The following ROBO2 variants were observed in gnomAD, a reference collection of about 807,000 sequenced individuals.
The protein encoded by ROBO2 is roundabout guidance receptor 2.
Under a neutral mutation model 160.8 loss-of-function variants are expected in ROBO2, and 53 were observed. That is an observed-to-expected ratio of 0.33 (90% CI 0.26 to 0.41). The LOEUF (loss-of-function observed/expected upper bound fraction) is 0.41, where lower values mean the gene tolerates loss of function less well. Ranked by LOEUF, ROBO2 falls within the 10% of genes least tolerant of loss-of-function variation. The probability of loss-of-function intolerance (pLI) is 1.00; values close to 1 mark genes in which losing one functional copy is unlikely to be tolerated. For missense variants in ROBO2, 1,577 were observed against 1,722.4 expected (o/e 0.92, Z 1.49); for synonymous variants, 664 against 611.7 (o/e 1.09, Z -1.26).
At chr3:76,637,808 G>A (rs1291432262) in intron 2 of ROBO2, among the ~76,000 whole-genome samples, 1 of 152,130 alleles carries the variant, frequency 6.6e-6, no homozygotes, top group African/African-American at 2.4e-5. Context: ...CTAAGCTTTT[G>A]TCCTCATAAA....
At chr3:77,316,782 C>A in intron 2 of ROBO2, 1 of 1,259,892 alleles carries the variant, frequency 7.9e-7, no homozygotes, top group South Asian at 1.2e-5. Context: ...CTAGACCAAG[C>A]TTGTGGCCAC....
In ROBO2 at chr3:76,241,886, A is replaced by G. The variant is rs141137040; in HGVS notation, c.109+304284A>G. On this transcript the variant is annotated intron_variant, in intron 2 of 26. Transcript: ENST00000487694. The stretch of plus-strand genomic sequence containing the variant: ...CCAATGGATTAGGACAATTTTCATG[A>G]TGGAATTGTGAATAATTAAATATTC... 3.8e-3 allele frequency among the ~76,000 whole-genome samples: 578 copies of G among 152,302 alleles called. 3 individuals are homozygous for G. The highest frequency in any genetic ancestry group is 0.013 in the African/African-American group (554 of 41,562).
At chr3:77,268,146 A>G (rs893831294) in intron 2 of ROBO2, among the ~76,000 whole-genome samples, 12 of 152,228 alleles carry the variant, frequency 7.9e-5, no homozygotes, top group Admixed American at 1.3e-4. Flanking sequence ...CTGTTATAAC[A>G]TAATTCTTAA....
intron 2 of ROBO2, among the ~76,000 whole-genome samples, chr3:77,278,025 T>C (rs2060005261): frequency 2.0e-5 from 3 of 152,160 alleles, no homozygotes; most frequent in Admixed American, 1.3e-4. Flanking sequence ...TAGTATCTCA[T>C]TGTGGTTTTG....
chr3:77,539,456 A>G (rs540395325), intron 6 of ROBO2, among the ~76,000 whole-genome samples: 1 of 152,064 alleles, frequency 6.6e-6, no homozygotes, highest in Non-Finnish European at 1.5e-5. Context: ...TCACATATAT[A>G]TTGTTTTCAA....
intron 2 of ROBO2, among the ~76,000 whole-genome samples, chr3:77,004,014 C>T (rs963928560): frequency 1.1e-4 from 16 of 152,046 alleles, no homozygotes; most frequent in African/African-American, 3.9e-4. Flanking sequence ...TGTTTTTATA[C>T]AGAAATGTAT....
chr3:77,211,912 C>G (rs1338271297), intron 2 of ROBO2, among the ~76,000 whole-genome samples: 1 of 152,132 alleles, frequency 6.6e-6, no homozygotes, highest in African/African-American at 2.4e-5. Flanking sequence ...TCTGAGGGCT[C>G]TGTTCTGTTC....
chr3:77,067,343 A>G lies in ROBO2; in HGVS notation c.61+26497A>G, dbSNP rs144805110. ...AGTTTTGCTTATTCCCAAACTTTGT[A>G]TTTACTTTTTACTACTTGCCCCTGA... On this transcript the variant is annotated intron_variant, in intron 1 of 25. Coordinates refer to ENST00000461745, the Ensembl canonical transcript of ROBO2. Among the ~76,000 whole-genome samples the G allele has an allele frequency of 4.1e-3, 619 of 152,236 alleles. 4 individuals carry two copies. Among genetic ancestry groups the G allele is most frequent in the African/African-American group, 0.014 (582 of 41,542 alleles).
rs71104642 is a variant in ROBO2 at position 76,948,874 on chromosome 3, TTATATATA to T, written c.110-149112_110-149105del. 3.4e-3 allele frequency among the ~76,000 whole-genome samples: 163 copies of T among 48,590 alleles called. 5 individuals carry two copies. The highest frequency in any genetic ancestry group is 9.0e-3 in the African/African-American group (84 of 9,318). 31.9% of individuals were successfully genotyped at this position (48,590 alleles called of 152,430 possible). On this transcript the variant is annotated intron_variant, in intron 2 of 26. Transcript: ENST00000487694. ...TGCCCGCCACCACACCCGGCTAATTTTATATATATATATATATATATATATATATATAT... is the reference window on the plus strand; with the variant it reads ...TGCCCGCCACCACACCCGGCTAATTTTATATATATATATATATATATATAT...
chr3:76,273,275 TG>T (rs1559707610), intron 2 of ROBO2, among the ~76,000 whole-genome samples: 1 of 150,204 alleles, frequency 6.7e-6, no homozygotes, highest in Non-Finnish European at 1.5e-5. Flanking sequence ...GATGTAGCAA[TG>T]ATGAAATACA....
chr3:77,241,416 T>TA (rs1315163866), intron 2 of ROBO2, among the ~76,000 whole-genome samples: 1 of 152,204 alleles, frequency 6.6e-6, no homozygotes, highest in Non-Finnish European at 1.5e-5. Flanking sequence ...ACTACACAAA[T>TA]AAAAAAGTAA....
intron 17 of ROBO2, among the ~76,000 whole-genome samples, chr3:77,590,601 T>C (rs1436254717): frequency 6.6e-6 from 1 of 152,172 alleles, no homozygotes; most frequent in East Asian, 1.9e-4. Context: ...ATCCCTTTGC[T>C]TGATGTTAGC....
intron 2 of ROBO2, among the ~76,000 whole-genome samples, chr3:76,349,888 G>C (rs1428714836): frequency 6.6e-6 from 1 of 151,970 alleles, no homozygotes; most frequent in Non-Finnish European, 1.5e-5. Context: ...TGCTTACACT[G>C]GACAATAAGC....
chr3:76,178,588 TATC>T (rs2073312513), intron 2 of ROBO2, among the ~76,000 whole-genome samples: 1 of 151,768 alleles, frequency 6.6e-6, no homozygotes, highest in South Asian at 2.1e-4. Context: ...TTAGAATAAT[TATC>T]ATAGGCAATA....
chr3:76,985,033 A>G (rs974484829), intron 2 of ROBO2, among the ~76,000 whole-genome samples: 1 of 152,120 alleles, frequency 6.6e-6, no homozygotes, highest in African/African-American at 2.4e-5. Context: ...GTTGACATTA[A>G]TCAATATAGA....
intron 2 of ROBO2, among the ~76,000 whole-genome samples, chr3:76,849,123 G>A (rs952190269): frequency 2.0e-5 from 3 of 152,080 alleles, no homozygotes; most frequent in Non-Finnish European, 2.9e-5. Context: ...GTTTTATTAC[G>A]TTCTGGTTAG....
At chr3:76,235,287 G>A (rs1394473318) in intron 2 of ROBO2, among the ~76,000 whole-genome samples, 4 of 152,042 alleles carry the variant, frequency 2.6e-5, no homozygotes, top group South Asian at 2.1e-4. Flanking sequence ...CCGCCCCACC[G>A]CCCAACACAC....
intron 2 of ROBO2, among the ~76,000 whole-genome samples, chr3:76,836,218 G>A (rs1310913818): frequency 2.6e-5 from 4 of 151,780 alleles, no homozygotes; most frequent in Non-Finnish European, 5.9e-5. Context: ...TCTACTACTT[G>A]TTGATTACTA....
intron 2 of ROBO2, among the ~76,000 whole-genome samples, chr3:76,574,202 G>C (rs1043774003): frequency 1.3e-5 from 2 of 152,022 alleles, no homozygotes; most frequent in Non-Finnish European, 2.9e-5. Context: ...TGATTAAAAA[G>C]TCAAAATAAT....
Sources: allele counts gnomAD v4.1 joint callset (sites outside exome capture counted in the v4.1 genomes callset), GRCh38; gene constraint gnomAD v4.1.1; transcripts MANE v1.5; gene names NCBI Gene and HGNC (gene_info 2026-07-23, HGNC 2026-07-21).